TBC1D8: variants seen among roughly 807,000 people sequenced by gnomAD.
TBC1D8 encodes BUB2-like protein 1.
TBC1D8 carries 65 observed loss-of-function variants against 118.8 expected under a neutral mutation model. That is an observed-to-expected ratio of 0.55 (90% CI 0.45 to 0.67). TBC1D8 has a LOEUF of 0.67. Among genes scored for constraint, TBC1D8 ranks in the 30% least tolerant of loss-of-function variants. The probability of loss-of-function intolerance (pLI) is 0.00; values close to 1 mark genes in which losing one functional copy is unlikely to be tolerated. For missense variants in TBC1D8, 1,376 were observed against 1,471.2 expected, an observed-to-expected ratio of 0.94 and a Z score of 1.06; for synonymous variants, 566 against 595.8, an observed-to-expected ratio of 0.95 and a Z score of 0.73.
chr2:101,130,862 T>C (rs915642330), intron 1 of TBC1D8, among the ~76,000 whole-genome samples: 1 of 152,182 alleles, frequency 6.6e-6, no homozygotes, highest in Non-Finnish European at 1.5e-5. Context: ...TCTCTTAATA[T>C]CTAACTGTTA....
At chr2:101,122,423 G>A (rs1678171455) in intron 1 of TBC1D8, among the ~76,000 whole-genome samples, 1 of 124,514 alleles carries the variant, frequency 8.0e-6, no homozygotes, top group Non-Finnish European at 1.7e-5. Flanking sequence ...CATGGATAAT[G>A]CCAGGAAATC....
In TBC1D8 at chr2:101,011,440, G is replaced by C. The variant is rs759421899; in HGVS notation, c.2917+11C>G. On this transcript the variant is annotated intron_variant, in intron 18 of 19. Transcript: ENST00000409318. ...ATGCAGGGGAAAGCAACAATGAAAA[G>C]AGGTACGTGCCATTGGGTTTCCCGA... is the stretch of plus-strand genomic sequence containing the variant. 1 of 1,613,786 alleles carries C rather than the reference G, an allele frequency of 6.2e-7. No individual in the cohort carries two copies. The highest frequency in any genetic ancestry group is 8.5e-7 in the Non-Finnish European group (1 of 1,179,680).
chr2:101,024,573 A>G (rs55677910), intron 15 of TBC1D8, among the ~76,000 whole-genome samples: 16,020 of 151,910 alleles, frequency 0.11, 968 homozygotes, highest in Non-Finnish European at 0.14. Flanking sequence ...CACTCGGCTA[A>G]TTTTTGTATT....
At chr2:101,015,091 A>G (rs13402785) in intron 17 of TBC1D8, among the ~76,000 whole-genome samples, 8,032 of 152,260 alleles carry the variant, frequency 0.053, 715 homozygotes, top group African/African-American at 0.18. Context: ...GTAGCCTACT[A>G]CACACCTCGC....
chr2:101,116,414 T>A (rs1234557283), intron 1 of TBC1D8, among the ~76,000 whole-genome samples: 1 of 152,114 alleles, frequency 6.6e-6, no homozygotes, highest in East Asian at 1.9e-4. Flanking sequence ...TCCTCATGTG[T>A]CCAACGGGGA....
intron 11 of TBC1D8, 26 bp downstream of exon 11, chr2:101,032,242 C>G: frequency 6.3e-7 from 1 of 1,598,798 alleles, no homozygotes; most frequent in Non-Finnish European, 8.6e-7. Context: ...CCCAGATACA[C>G]AGGAGGAGGA....
At chr2:101,073,977 T>C (rs1295923469) in intron 2 of TBC1D8, among the ~76,000 whole-genome samples, 1 of 152,252 alleles carries the variant, frequency 6.6e-6, no homozygotes, top group African/African-American at 2.4e-5. Context: ...GGAGTAGCAA[T>C]TTTAATTTCT....
At chr2:101,094,100 C>T (rs548743099) in intron 1 of TBC1D8, among the ~76,000 whole-genome samples, 11 of 152,206 alleles carry the variant, frequency 7.2e-5, no homozygotes, top group African/African-American at 2.6e-4. Flanking sequence ...CACACCCCAC[C>T]CCTGCAATCT....
chr2:101,024,567 C>T (rs575286473), intron 15 of TBC1D8, among the ~76,000 whole-genome samples: 37 of 152,014 alleles, frequency 2.4e-4, no homozygotes, highest in Non-Finnish European at 4.3e-4. Flanking sequence ...CCACCACACT[C>T]GGCTAATTTT....
At chr2:101,014,698 C>T (rs748241904) in intron 17 of TBC1D8, among the ~76,000 whole-genome samples, 2 of 152,164 alleles carry the variant, frequency 1.3e-5, no homozygotes, top group Non-Finnish European at 2.9e-5. Flanking sequence ...TCTTGGGTTC[C>T]AGCAGATATC....
At chr2:101,036,619 C>T (rs968964918) in intron 8 of TBC1D8, among the ~76,000 whole-genome samples, 3 of 152,050 alleles carry the variant, frequency 2.0e-5, no homozygotes, top group Non-Finnish European at 2.9e-5. Context: ...CCCTGAGCTT[C>T]CTGACAGCCA....
rs541543819 is a variant in TBC1D8 at position 101,119,011 on chromosome 2, G to GC, written c.128-28648dup. ...GATGACAGACTGAGACCCTGTCTCT[G>GC]CCCCCCCAAAAAAAAGACTCCACGA... On this transcript the variant is annotated intron_variant, in intron 1 of 19. Transcript: ENST00000409318. Among the ~76,000 whole-genome samples the GC allele has an allele frequency of 6.6e-4, 100 of 151,772 alleles. 1 individual carries two copies. Among genetic ancestry groups the GC allele is most frequent in the African/African-American group, 2.1e-3 (88 of 41,392 alleles).
At chr2:101,013,989 T>C (rs1304518170) in intron 17 of TBC1D8, among the ~76,000 whole-genome samples, 2 of 152,242 alleles carry the variant, frequency 1.3e-5, no homozygotes, top group Non-Finnish European at 2.9e-5. Flanking sequence ...AGCCAAGTCA[T>C]TGATAGGAAA....
intron 1 of TBC1D8, among the ~76,000 whole-genome samples, chr2:101,117,592 G>A (rs1317439821): frequency 2.1e-5 from 1 of 47,248 alleles, no homozygotes; most frequent in African/African-American, 8.7e-5. Context: ...TTTTTTTTTT[G>A]AGACAGAGTC....
intron 1 of TBC1D8, among the ~76,000 whole-genome samples, chr2:101,130,469 G>T (rs574047329): frequency 1.3e-5 from 2 of 152,320 alleles, no homozygotes; most frequent in African/African-American, 4.8e-5. Flanking sequence ...TTTTGATCCT[G>T]TCACAGAGCT....
Position 101,007,761 on chromosome 2 carries a change from A to G in TBC1D8, c.*60T>C. 6.5e-7 allele frequency: 1 copy of G among 1,534,754 alleles called. No homozygotes were observed. The highest frequency in any genetic ancestry group is 8.9e-7 in the Non-Finnish European group (1 of 1,126,130). On this transcript the variant is annotated 3_prime_UTR_variant, in exon 20 of 20. Transcript: ENST00000409318. Reference sequence around the variant, plus strand: ...TCTCGGTTTAGGGCTGACCCCAAGAAACAGTCTGGTTCGTGCTTTGGTATG... The same window carrying G: ...TCTCGGTTTAGGGCTGACCCCAAGAGACAGTCTGGTTCGTGCTTTGGTATG...
At position 101,028,089 on chromosome 2, in the gene TBC1D8, T is replaced by C. The variant is rs1317138852; in HGVS notation, c.2410A>G (p.Arg804Gly). The C allele has an allele frequency of 6.2e-7, 1 of 1,613,926 alleles. No individual in the cohort carries two copies. The highest frequency in any genetic ancestry group is 1.3e-5 in the African/African-American group (1 of 74,942). ...IEHLRYKHRIRVLQGHEDTTK... is the reference protein window; with the variant it reads ...IEHLRYKHRIGVLQGHEDTTK... The stretch of plus-strand genomic sequence containing the variant: ...GTGTCCTCGTGGCCTTGGAGGACCC[T>C]GATCCTGTGCTTGTAACGTAGGTGC... Residue 804 changes from arginine (R) to glycine (G), a missense_variant, in exon 14 of 20, where the codon AGG becomes GGG. Physicochemically the swap from Arg to Gly is moderately radical, Grantham distance 125 (BLOSUM62 -2). Coordinates refer to ENST00000409318, the MANE Select transcript of TBC1D8 (RefSeq NM_001330348.2).
chr2:101,056,797 G>A (rs1261569719), intron 3 of TBC1D8, among the ~76,000 whole-genome samples: 2 of 152,170 alleles, frequency 1.3e-5, no homozygotes, highest in Non-Finnish European at 2.9e-5. Context: ...TGAGGTGGCC[G>A]TGCTGACCCC....
chr2:101,150,932 C>T (rs1332254198), intron 1 of TBC1D8, among the ~76,000 whole-genome samples, 195 bp downstream of exon 1: 1 of 152,118 alleles, frequency 6.6e-6, no homozygotes, highest in African/African-American at 2.4e-5. Context: ...CGGGAGCCCC[C>T]TCTACCACCA....
Sources: allele counts gnomAD v4.1 joint callset (sites outside exome capture counted in the v4.1 genomes callset), GRCh38; gene constraint gnomAD v4.1.1; transcripts MANE v1.5; gene names NCBI Gene and HGNC (gene_info 2026-07-23, HGNC 2026-07-21).